The following BLOC1S5 variants were observed in gnomAD, a reference collection of about 807,000 sequenced individuals.
The protein encoded by BLOC1S5 is biogenesis of lysosomal organelles complex 1 subunit 5.
BLOC1S5 carries 27 observed loss-of-function variants against 24.3 expected under a neutral mutation model. The ratio of observed to expected loss-of-function variants is 1.11; its 90% CI spans 0.82 to 1.53. The LOEUF is 1.53. BLOC1S5 is among the 40% of genes most tolerant of loss of function. BLOC1S5 has a pLI of 0.00. For missense variants in BLOC1S5, 239 were observed against 229.4 expected, an observed-to-expected ratio of 1.04 and a Z score of -0.27; for synonymous variants, 84 against 74.5, an observed-to-expected ratio of 1.13 and a Z score of -0.66.
intron 2 of BLOC1S5, 95 bp from the exon 3 acceptor site, chr6:8,041,363 A>T (rs1373331510): frequency 1.3e-5 from 16 of 1,239,222 alleles, no homozygotes; most frequent in Admixed American, 3.2e-5. Context: ...CCCAGACTGG[A>T]GTGCGGTGGT....
intron 4 of BLOC1S5, among the ~76,000 whole-genome samples, chr6:8,021,387 T>G (rs1762911720): frequency 6.6e-6 from 1 of 152,082 alleles, no homozygotes. Flanking sequence ...TCACCTGAGG[T>G]CAGGAGTTCG....
chr6:8,062,752 T>A, intron 1 of BLOC1S5, 136 bp from the exon 2 acceptor site: 1 of 581,992 alleles, frequency 1.7e-6, no homozygotes, highest in Non-Finnish European at 3.0e-6. Flanking sequence ...AGAAATCTCA[T>A]CCACTGCCAG....
At position 8,049,067 on chromosome 6, in the gene BLOC1S5, GA is replaced by G. The variant is rs1386009747; in HGVS notation, c.196-7800del. ...GAGGGGAGGGGAGAGGAAGGGAGGGGAGGGGAGGGGGGAAAGAAAGAGGCCA... is the reference window on the plus strand; with the variant it reads ...GAGGGGAGGGGAGAGGAAGGGAGGGGGGGGAGGGGGGAAAGAAAGAGGCCA... On this transcript the variant is annotated intron_variant, in intron 2 of 4. Transcript: ENST00000397457. 1.8e-4 allele frequency among the ~76,000 whole-genome samples: 17 copies of G among 92,832 alleles called. No homozygotes were observed. In the South Asian group the frequency reaches 6.8e-3, roughly 37 times the overall value. 60.9% of individuals were successfully genotyped at this position (92,832 alleles called of 152,430 possible). A position where few individuals can be genotyped will look rare whatever the true frequency, so the allele number is the denominator to read the frequency against.
intron 4 of BLOC1S5, chr6:8,017,775 A>G (rs572592106): frequency 6.6e-6 from 1 of 152,348 alleles, no homozygotes; most frequent in South Asian, 2.1e-4. Context: ...TTTATCCTCC[A>G]TGGTCACTCA....
chr6:8,020,473 C>CA (rs567861537), intron 4 of BLOC1S5, among the ~76,000 whole-genome samples: 117 of 152,338 alleles, frequency 7.7e-4, no homozygotes, highest in African/African-American at 2.7e-3. Context: ...TCTTCTCCCC[C>CA]AAAACACTAA....
At chr6:8,021,785 C>T (rs1341751058) in intron 4 of BLOC1S5, among the ~76,000 whole-genome samples, 1 of 151,904 alleles carries the variant, frequency 6.6e-6, no homozygotes, top group Non-Finnish European at 1.5e-5. Context: ...TTTCAGTGGG[C>T]TCTTCTTAAA....
At chr6:8,048,599 C>A (rs978203241) in intron 2 of BLOC1S5, among the ~76,000 whole-genome samples, 1 of 151,892 alleles carries the variant, frequency 6.6e-6, no homozygotes. Context: ...GTCATAATAC[C>A]AATACTAGCA....
intron 3 of BLOC1S5, among the ~76,000 whole-genome samples, chr6:8,029,766 T>C (rs554241937): frequency 6.6e-6 from 1 of 151,954 alleles, no homozygotes; most frequent in African/African-American, 2.4e-5. Flanking sequence ...TTCTGATCGT[T>C]TACTAGAACT....
intron 3 of BLOC1S5, among the ~76,000 whole-genome samples, chr6:8,032,802 C>T (rs1349613433): frequency 1.3e-5 from 2 of 152,164 alleles, no homozygotes; most frequent in East Asian, 1.9e-4. Flanking sequence ...AATCAATGTA[C>T]AAAAATCACA....
At position 8,037,366 on chromosome 6, in the gene BLOC1S5, C is replaced by T. The variant is rs183990180; in HGVS notation, c.325+3773G>A. 2.6e-5 allele frequency among the ~76,000 whole-genome samples: 4 copies of T among 152,196 alleles called. No homozygotes were observed. In the East Asian group the frequency reaches 5.8e-4, roughly 22 times the overall value. ...TGAAAAAGAAACCAAGAAAGCAACCCTATTTACAATAGCTACAAAGAACAT... is the reference window on the plus strand; with the variant it reads ...TGAAAAAGAAACCAAGAAAGCAACCTTATTTACAATAGCTACAAAGAACAT... On this transcript the variant is annotated intron_variant, in intron 3 of 4. Transcript: ENST00000397457.
intron 2 of BLOC1S5, among the ~76,000 whole-genome samples, chr6:8,041,668 A>ATTTTTTTTTTTT (rs1763694845): frequency 3.2e-5 from 1 of 31,644 alleles, no homozygotes; most frequent in Non-Finnish European, 8.6e-5. Context: ...TTTTTTTGAG[A>ATTTTTTTTTTTT]TGCAGTCTCG....
At chr6:8,022,397 A>C (rs77466368) in intron 4 of BLOC1S5, among the ~76,000 whole-genome samples, 5,916 of 151,726 alleles carry the variant, frequency 0.039, 362 homozygotes, top group African/African-American at 0.13. Context: ...TAAGGTGTAA[A>C]AGGTCTTTTA....
At chr6:8,044,825 G>A (rs1411176286) in intron 2 of BLOC1S5, among the ~76,000 whole-genome samples, 1 of 152,202 alleles carries the variant, frequency 6.6e-6, no homozygotes. Context: ...AAGGAGCAAA[G>A]CATTCAAGAG....
In BLOC1S5 at chr6:8,015,729, C is replaced by T. The variant is rs1184571860; in HGVS notation, c.484G>A (p.Glu162Lys). The change falls in exon 5 of 5, where the codon GAG becomes AAG. Residue 162 changes from glutamate (E) to lysine (K), a missense_variant. Glu to Lys is a moderately conservative substitution (Grantham distance 56). Transcript: ENST00000397457. ...QPNKRAEVDE[E>K]HRKAMERLKE... Reference sequence around the variant, plus strand: ...AGCCTTTCCATGGCTTTTCTGTGCTCTTCATCCACTTCAGCCCTTTTGTTG... The same window carrying T: ...AGCCTTTCCATGGCTTTTCTGTGCTTTTCATCCACTTCAGCCCTTTTGTTG... 6.2e-6 allele frequency: 10 copies of T among 1,614,068 alleles called. No individual in the cohort carries two copies. Among genetic ancestry groups the T allele is most frequent in the African/African-American group, 1.3e-5 (1 of 74,944 alleles).
At position 8,013,922 on chromosome 6, in the gene BLOC1S5, T is replaced by C. The variant is rs908955351; in HGVS notation, c.*1727A>G. The C allele has an allele frequency of 4.6e-5, 7 of 152,192 alleles. No homozygotes were observed. Among genetic ancestry groups the C allele is most frequent in the Admixed American group, 1.3e-4 (2 of 15,276 alleles). 9.4% of individuals were successfully genotyped at this position (152,192 alleles called of 1,614,324 possible). On this transcript the variant is annotated 3_prime_UTR_variant, in exon 5 of 5. Transcript: ENST00000397457. Reference sequence around the variant, plus strand: ...ATTGATGAGCCTGTCAAGCCTACAGTAGCGGATAGAGAAAGTTGGCAGAAG... The same window carrying C: ...ATTGATGAGCCTGTCAAGCCTACAGCAGCGGATAGAGAAAGTTGGCAGAAG...
chr6:8,040,925 T>C (rs1383821088), intron 3 of BLOC1S5, among the ~76,000 whole-genome samples: 24 of 152,128 alleles, frequency 1.6e-4, no homozygotes, highest in Admixed American at 1.6e-3. Flanking sequence ...AAACAGATTG[T>C]CTCGTGTACC....
intron 4 of BLOC1S5, among the ~76,000 whole-genome samples, chr6:8,023,445 C>T (rs988758374): frequency 1.3e-5 from 2 of 152,144 alleles, no homozygotes; most frequent in African/African-American, 4.8e-5. Flanking sequence ...CAAAAATTAG[C>T]CGTGTGTGGT....
rs1763981223 is a variant in BLOC1S5, at chr6:8,048,493, C to A, written c.196-7225G>T. Among the ~76,000 whole-genome samples the A allele has an allele frequency of 5.3e-5, 8 of 151,662 alleles. No homozygotes were observed. The South Asian group carries it at 1.7e-3, about 32-fold the overall frequency. On this transcript the variant is annotated intron_variant, in intron 2 of 4. Coordinates refer to ENST00000397457, the MANE Select transcript of BLOC1S5 (RefSeq NM_201280.3). The stretch of plus-strand genomic sequence containing the variant: ...CTGATAGTCAAACTTAAATTAAAGA[C>A]CACAGAATTTCTAATTACCCTCTTC...
rs1757302421 is a variant in BLOC1S5, at chr6:8,062,548, C to G, written c.181G>C (p.Val61Leu). 2 of 1,587,990 alleles carry G rather than the reference C, an allele frequency of 1.3e-6. No homozygotes were observed. Among genetic ancestry groups the G allele is most frequent in the Non-Finnish European group, 1.7e-6 (2 of 1,162,056 alleles). The change falls in exon 2 of 5, where the codon GTA (valine) becomes CTA (leucine). Residue 61 changes from valine to leucine, a missense_variant. Physicochemically the swap from Val to Leu is conservative, Grantham distance 32. Transcript: ENST00000397457. ...PVIQGETRYF[V>L]KEFEEKRGLR... ...TAAATACTCACTTCAAATTCTTTTA[C>G]AAAATAACGAGTTTCACCTTGAATA...
Sources: gnomAD v4.1 joint callset for allele counts (sites outside exome capture counted in the v4.1 genomes callset) on GRCh38, gnomAD v4.1.1 for gene constraint, MANE v1.5 for transcripts, NCBI Gene and HGNC (gene_info 2026-07-23, HGNC 2026-07-21) for gene names.